The following CNTNAP2 variants were observed in gnomAD, a reference collection of about 807,000 sequenced individuals.
CNTNAP2 encodes the protein contactin associated protein 2, also known as contactin-associated protein-like 2.
A neutral mutation model predicts 155.2 loss-of-function variants in CNTNAP2; 98 were observed. The ratio of observed to expected loss-of-function variants is 0.63; its 90% CI spans 0.54 to 0.75. The LOEUF (loss-of-function observed/expected upper bound fraction) is 0.75. Among genes scored for constraint, CNTNAP2 ranks in the 30% least tolerant of loss-of-function variants. The pLI is 0.00. For synonymous variants in CNTNAP2, 651 were observed against 631.2 expected (o/e 1.03, Z -0.47); for missense variants, 1,727 against 1,688.1 (o/e 1.02, Z -0.40).
chr7:148,324,042 C>G (rs573515770), intron 21 of CNTNAP2, among the ~76,000 whole-genome samples: 5 of 152,186 alleles, frequency 3.3e-5, no homozygotes, highest in African/African-American at 1.2e-4. Context: ...CACCACCACA[C>G]TCCACTAATT....
rs148832726 is a variant in CNTNAP2 at position 146,145,771 on chromosome 7, G to A, written c.97+28798G>A. 5.5e-3 allele frequency among the ~76,000 whole-genome samples: 835 copies of A among 152,172 alleles called. 10 individuals are homozygous for A. The highest frequency in any genetic ancestry group is 0.019 in the African/African-American group (780 of 41,498). On this transcript the variant is annotated intron_variant, in intron 1 of 23. Coordinates refer to ENST00000361727, the MANE Select transcript of CNTNAP2 (RefSeq NM_014141.6). ...AAAATTCAATGTATTTGTACCTCGC[G>A]TCTCTAGAAAAATTGTGTTTTAGTA...
chr7:147,501,258 G>A (rs181522730), intron 11 of CNTNAP2, among the ~76,000 whole-genome samples: 1 of 151,314 alleles, frequency 6.6e-6, no homozygotes, highest in Admixed American at 6.6e-5. Flanking sequence ...TGTATGTGAG[G>A]AGCCCACAGC....
At chr7:147,020,933 T>A (rs1798807143) in intron 3 of CNTNAP2, among the ~76,000 whole-genome samples, 1 of 152,144 alleles carries the variant, frequency 6.6e-6, no homozygotes, top group African/African-American at 2.4e-5. Flanking sequence ...ATTATTAAGA[T>A]GCATTTCTTG....
chr7:147,134,947 A>G (rs1372832300), intron 8 of CNTNAP2, among the ~76,000 whole-genome samples: 1 of 151,926 alleles, frequency 6.6e-6, no homozygotes, highest in African/African-American at 2.4e-5. Flanking sequence ...TGGTGTACAC[A>G]CACAAAGTAG....
At chr7:147,401,318 T>C (rs1796908393) in intron 10 of CNTNAP2, among the ~76,000 whole-genome samples, 1 of 152,238 alleles carries the variant, frequency 6.6e-6, no homozygotes, top group Non-Finnish European at 1.5e-5. Flanking sequence ...TGAGAAATTA[T>C]GAATAGACTA....
chr7:148,386,913 G>A (rs1022133833), intron 22 of CNTNAP2, among the ~76,000 whole-genome samples: 3 of 152,188 alleles, frequency 2.0e-5, no homozygotes, highest in Non-Finnish European at 4.4e-5. Context: ...GGCCTCTATA[G>A]GAGGAACAGA....
chr7:147,151,431 G>A (rs1801823366), intron 8 of CNTNAP2, among the ~76,000 whole-genome samples: 1 of 152,066 alleles, frequency 6.6e-6, no homozygotes, highest in African/African-American at 2.4e-5. Context: ...TATCTAGCAT[G>A]CAAACTATTG....
chr7:148,242,201 T>C (rs774072888), intron 20 of CNTNAP2, among the ~76,000 whole-genome samples: 1 of 152,218 alleles, frequency 6.6e-6, no homozygotes, highest in Non-Finnish European at 1.5e-5. Flanking sequence ...TCTCAAAGAT[T>C]GTAACTCTTG....
intron 1 of CNTNAP2, among the ~76,000 whole-genome samples, chr7:146,450,095 T>C (rs1796457109): frequency 6.6e-6 from 1 of 152,136 alleles, no homozygotes; most frequent in South Asian, 2.1e-4. Context: ...TTGTACCTTT[T>C]CTAAAAAGCT....
At chr7:147,143,431 G>C (rs997367138) in intron 8 of CNTNAP2, among the ~76,000 whole-genome samples, 9 of 152,016 alleles carry the variant, frequency 5.9e-5, no homozygotes, top group African/African-American at 2.2e-4. Flanking sequence ...ATATTGTTAA[G>C]ATATTTGATA....
At chr7:148,163,369 G>A (rs1805588923) in intron 17 of CNTNAP2, among the ~76,000 whole-genome samples, 1 of 152,092 alleles carries the variant, frequency 6.6e-6, no homozygotes, top group Non-Finnish European at 1.5e-5. Context: ...ATTAATATTA[G>A]CTTTTGAAAT....
At chr7:146,224,739 A>G (rs1217702269) in intron 1 of CNTNAP2, among the ~76,000 whole-genome samples, 2 of 152,194 alleles carry the variant, frequency 1.3e-5, no homozygotes, top group East Asian at 3.9e-4. Context: ...ACTGCACTCC[A>G]GCCTGGGTGA....
At chr7:147,279,423 G>T (rs1804977269) in intron 8 of CNTNAP2, among the ~76,000 whole-genome samples, 1 of 151,590 alleles carries the variant, frequency 6.6e-6, no homozygotes, top group Non-Finnish European at 1.5e-5. Flanking sequence ...TAGGCGATGG[G>T]TCCCCATAGT....
At chr7:147,038,412 G>A (rs1350389243) in intron 3 of CNTNAP2, among the ~76,000 whole-genome samples, 2 of 152,048 alleles carry the variant, frequency 1.3e-5, no homozygotes, top group African/African-American at 4.8e-5. Context: ...TGTTATTTCA[G>A]TTGCTCAGAA....
intron 3 of CNTNAP2, among the ~76,000 whole-genome samples, chr7:146,933,364 C>A (rs1160889848): frequency 6.6e-6 from 1 of 151,320 alleles, no homozygotes; most frequent in Non-Finnish European, 1.5e-5. Context: ...ATAAATGGTG[C>A]TGGGAAAACT....
chr7:147,262,259 G>A (rs998801644), intron 8 of CNTNAP2, among the ~76,000 whole-genome samples: 1 of 152,206 alleles, frequency 6.6e-6, no homozygotes, highest in African/African-American at 2.4e-5. Context: ...CGGAAAGACA[G>A]AATGCTAAAG....
intron 13 of CNTNAP2, among the ~76,000 whole-genome samples, chr7:147,839,913 G>T (rs1198171866): frequency 6.7e-6 from 1 of 149,588 alleles, no homozygotes; most frequent in Non-Finnish European, 1.5e-5. Context: ...ATATGTGTGT[G>T]TGTGTGCTGT....
chr7:146,212,356 C>A (rs989186214), intron 1 of CNTNAP2, among the ~76,000 whole-genome samples: 5 of 152,102 alleles, frequency 3.3e-5, no homozygotes, highest in African/African-American at 9.7e-5. Context: ...AACAACAGAA[C>A]CCTTGCTAGA....
intron 15 of CNTNAP2, among the ~76,000 whole-genome samples, chr7:148,096,591 G>C (rs1023316365): frequency 1.3e-5 from 2 of 152,120 alleles, no homozygotes; most frequent in South Asian, 2.1e-4. Context: ...TGAATAGTGA[G>C]AGTAGGGGTG....
Sources: allele counts gnomAD v4.1 joint callset (sites outside exome capture counted in the v4.1 genomes callset), GRCh38; gene constraint gnomAD v4.1.1; transcripts MANE v1.5; gene names NCBI Gene and HGNC (gene_info 2026-07-23, HGNC 2026-07-21).